The following TBL1X variants were observed in gnomAD, a reference collection of about 807,000 sequenced individuals.
TBL1X encodes transducin beta like 1 X-linked, also known as F-box-like/WD repeat-containing protein TBL1X.
A neutral mutation model predicts 50.7 loss-of-function variants in TBL1X; 10 were observed. The ratio of observed to expected loss-of-function variants is 0.20; its 90% CI spans 0.12 to 0.33. The LOEUF (loss-of-function observed/expected upper bound fraction) is 0.33. Among genes scored for constraint, TBL1X ranks in the 10% least tolerant of loss-of-function variants. The pLI is 1.00. For missense variants in TBL1X, 340 were observed against 504.4 expected, an observed-to-expected ratio of 0.67 and a Z score of 3.12; for synonymous variants, 190 against 214.7, an observed-to-expected ratio of 0.88 and a Z score of 1.01.
At chrX:9,655,800 T>C (rs1229215296) in intron 5 of TBL1X, among the ~76,000 whole-genome samples, 1 of 112,031 alleles carries the variant, frequency 8.9e-6, no homozygotes, top group Non-Finnish European at 1.9e-5. Context: ...TAGGGTAGAC[T>C]GTACGCATTG....
intron 2 of TBL1X, among the ~76,000 whole-genome samples, chrX:9,556,321 C>G (rs946190845): frequency 4.5e-5 from 5 of 110,991 alleles, no homozygotes; most frequent in African/African-American, 6.5e-5. Context: ...CTGTAACAAA[C>G]TACCACAAAC....
chrX:9,486,066 C>T (rs970030714), intron 1 of TBL1X, among the ~76,000 whole-genome samples: 7 of 110,309 alleles, frequency 6.3e-5, no homozygotes, highest in African/African-American at 1.7e-4. Flanking sequence ...GCCCTCCTCC[C>T]TTTTGGAATT....
At position 9,578,228 on chromosome X, in the gene TBL1X, A is replaced by G. The variant is rs149630688; in HGVS notation, c.-130-62045A>G. 1.4e-4 allele frequency among the ~76,000 whole-genome samples: 16 copies of G among 111,569 alleles called. No individual in the cohort carries two copies. In the East Asian group the frequency reaches 4.5e-3, roughly 31 times the overall value. ...CAGCCCTGTTAAGTGCTGAGATGAA[A>G]TTCTTAACTTTTTTTTTCCTTCTTA... On this transcript the variant is annotated intron_variant, in intron 2 of 17. Transcript: ENST00000645353.
At chrX:9,556,962 C>G (rs1033256879) in intron 2 of TBL1X, among the ~76,000 whole-genome samples, 3 of 111,057 alleles carry the variant, frequency 2.7e-5, no homozygotes, top group Admixed American at 1.9e-4. Context: ...TCTGATGAAC[C>G]ACTTCTGTTA....
chrX:9,504,022 G>A (rs1230515343), intron 2 of TBL1X, among the ~76,000 whole-genome samples: 1 of 111,951 alleles, frequency 8.9e-6, no homozygotes, highest in Non-Finnish European at 1.9e-5. Flanking sequence ...ACCCTCTGCA[G>A]GAGTGATCCT....
At chrX:9,463,949 A>T (rs975126529), upstream of TBL1X, among the ~76,000 whole-genome samples, 2 of 111,839 alleles carry the variant, frequency 1.8e-5, no homozygotes, top group Non-Finnish European at 3.8e-5. Flanking sequence ...CCCTCCCCCT[A>T]CAACCAGAAC....
chrX:9,594,972 G>A (rs1374819756), intron 2 of TBL1X, among the ~76,000 whole-genome samples: 2 of 111,872 alleles, frequency 1.8e-5, no homozygotes, highest in African/African-American at 6.5e-5. Context: ...CTCAAGTAGC[G>A]ATCTTGGAGG....
At chrX:9,644,423 T>C (rs1437258229) in intron 3 of TBL1X, among the ~76,000 whole-genome samples, 1 of 111,347 alleles carries the variant, frequency 9.0e-6, no homozygotes, top group Non-Finnish European at 1.9e-5. Context: ...CAGTGCTCTT[T>C]TTCTTACATG....
At chrX:9,709,174 G>T (rs1423133546) in intron 13 of TBL1X, 74 bp from the exon 14 acceptor site, 3 of 1,063,562 alleles carry the variant, frequency 2.8e-6, no homozygotes, top group Non-Finnish European at 3.9e-6. Flanking sequence ...GCGCGCTGCT[G>T]CCCCCTGCTG....
intron 5 of TBL1X, among the ~76,000 whole-genome samples, chrX:9,664,962 A>G (rs1014724582): frequency 2.7e-5 from 3 of 110,830 alleles, no homozygotes; most frequent in Non-Finnish European, 3.8e-5. Flanking sequence ...CTGGTGGGTA[A>G]AATCAATGTC....
chrX:9,629,698 C>T (rs755502244), intron 2 of TBL1X, among the ~76,000 whole-genome samples: 43 of 111,850 alleles, frequency 3.8e-4, no homozygotes, highest in African/African-American at 1.3e-3. Context: ...TTTAAAAAAA[C>T]GGTAGCAGCA....
chrX:9,500,339 A>G (rs1196482597), intron 1 of TBL1X, among the ~76,000 whole-genome samples: 3 of 106,885 alleles, frequency 2.8e-5, no homozygotes, highest in African/African-American at 1.0e-4. Context: ...TCACACCTAT[A>G]ATTCCAGCAC....
At chrX:9,548,419 T>C (rs922885569) in intron 2 of TBL1X, among the ~76,000 whole-genome samples, 2 of 111,892 alleles carry the variant, frequency 1.8e-5, no homozygotes, top group African/African-American at 6.5e-5. Flanking sequence ...ATCTACTTAG[T>C]GCTTTTAAGC....
At chrX:9,571,512 G>A (rs1301194160) in intron 2 of TBL1X, among the ~76,000 whole-genome samples, 1 of 111,418 alleles carries the variant, frequency 9.0e-6, no homozygotes, top group African/African-American at 3.3e-5. Context: ...CCCGAGAAAA[G>A]ACGACCTGAA....
rs988013511 is a variant in TBL1X, at chrX:9,599,368, C to T, written c.-130-40905C>T. On this transcript the variant is annotated intron_variant, in intron 2 of 17. Transcript: ENST00000645353. The stretch of plus-strand genomic sequence containing the variant: ...TCCCAGGTACTAGGTGTTAGGGCTT[C>T]AACATACGCCTTGGGATGGGCAGTC... 5.3e-5 allele frequency among the ~76,000 whole-genome samples: 6 copies of T among 112,421 alleles called. 1 individual carries two copies. In the East Asian group the frequency reaches 1.1e-3, roughly 21 times the overall value.
chrX:9,618,780 GAAA>G (rs1358038297), intron 2 of TBL1X, among the ~76,000 whole-genome samples: 2 of 112,278 alleles, frequency 1.8e-5, no homozygotes, highest in East Asian at 5.6e-4. Context: ...CTATATCTAA[GAAA>G]AAAACTATGT....
intron 6 of TBL1X, among the ~76,000 whole-genome samples, chrX:9,687,245 A>G (rs1390731302): frequency 8.9e-6 from 1 of 112,405 alleles, no homozygotes; most frequent in East Asian, 2.8e-4. Context: ...AACATGAATC[A>G]AAACAAAATG....
intron 2 of TBL1X, among the ~76,000 whole-genome samples, chrX:9,618,263 G>A (rs1170876278): frequency 8.9e-6 from 1 of 112,020 alleles, no homozygotes; most frequent in South Asian, 3.8e-4. Flanking sequence ...ATCAGGCCAT[G>A]CCTCCTGGAA....
intron 2 of TBL1X, among the ~76,000 whole-genome samples, chrX:9,575,623 G>C (rs1449131876): frequency 1.8e-5 from 2 of 111,901 alleles, no homozygotes; most frequent in Non-Finnish European, 3.8e-5. Flanking sequence ...ATTGTGAATA[G>C]TGTTGTTGTG....
Sources: allele counts gnomAD v4.1 joint callset (sites outside exome capture counted in the v4.1 genomes callset), GRCh38; gene constraint gnomAD v4.1.1; transcripts MANE v1.5; gene names NCBI Gene and HGNC (gene_info 2026-07-23, HGNC 2026-07-21).